Variants in ABCC8 observed in about 807,000 individuals in gnomAD.
ABCC8 encodes ATP binding cassette subfamily C member 8.
In ABCC8, 137 loss-of-function variants were observed where a neutral mutation model predicts 188.0. That is an observed-to-expected ratio of 0.73 (90% confidence interval 0.63 to 0.84). The LOEUF is 0.84. Among genes scored for constraint, ABCC8 ranks in the 40% least tolerant of loss-of-function variants. ABCC8 has a pLI of 0.00. For synonymous variants in ABCC8, 797 were observed against 846.5 expected, an observed-to-expected ratio of 0.94 and a Z score of 1.01; for missense variants, 1,750 against 2,072.7, an observed-to-expected ratio of 0.84 and a Z score of 3.02.
At position 17,461,784 on chromosome 11, in the gene ABCC8, G is replaced by T. The variant is rs765043940; in HGVS notation, c.621C>A (p.Pro207=). 6.2e-6 allele frequency: 10 copies of T among 1,614,010 alleles called. No individual in the cohort carries two copies. Among genetic ancestry groups the T allele is most frequent in the Admixed American group, 3.3e-5 (2 of 60,012 alleles). Residue 207 remains proline (P), a synonymous_variant, in exon 5 of 39, where the codon CCC becomes CCA. Transcript: ENST00000389817. ...GTACCCCCAGGTCTTGCAGGTCCTC[G>T]GGAGGCTTCACCTCCCTCGGTGTCT... is the stretch of plus-strand genomic sequence containing the variant. ...FFKTPREVKP[P]EDLQDLGVRF... is the part of the protein sequence containing the mutation.
Position 17,453,160 on chromosome 11 carries a change from C to T in ABCC8, c.1135G>A (p.Val379Met). Residue 379 changes from valine (V) to methionine (M), a missense_variant, in exon 7 of 39, where the codon GTG becomes ATG. Coordinates refer to ENST00000389817, the MANE Select transcript of ABCC8 (RefSeq NM_000352.6). Reference protein sequence around the residue: ...QRTFLQASYYVAIETGINLRG... With the variant: ...QRTFLQASYYMAIETGINLRG... ...AAGTTAATTCCAGTTTCAATGGCCA[C>T]ATAGTAGGATGCTTGCAGAAATGTC... The T allele has an allele frequency of 6.2e-7, 1 of 1,614,114 alleles. No individual in the cohort carries two copies. Among genetic ancestry groups the T allele is most frequent in the Non-Finnish European group, 8.5e-7 (1 of 1,180,030 alleles).
At chr11:17,395,499 GA>G (rs778319590) in intron 35 of ABCC8, 110 bp downstream of exon 35, 1 of 1,485,486 alleles carries the variant, frequency 6.7e-7, no homozygotes. Context: ...GCATGAGCAG[GA>G]AACACCTCTG....
At chr11:17,463,648 T>C in intron 3 of ABCC8, 44 bp from the exon 4 acceptor site, 1 of 1,553,784 alleles carries the variant, frequency 6.4e-7, no homozygotes, top group Non-Finnish European at 8.7e-7. Flanking sequence ...GTGTGCATCA[T>C]GTGTGTACAC....
chr11:17,405,725 C>T (rs917736582), intron 26 of ABCC8, 162 bp from the exon 27 acceptor site: 1 of 888,036 alleles, frequency 1.1e-6, no homozygotes, highest in Non-Finnish European at 1.3e-6. Context: ...CCCGTGAATT[C>T]CTGCAGCTGC....
chr11:17,409,102 G>C (rs1432593949), intron 22 of ABCC8, among the ~76,000 whole-genome samples: 4 of 149,454 alleles, frequency 2.7e-5, no homozygotes, highest in Admixed American at 6.7e-5. Context: ...ACAGGTGCAC[G>C]CCACCATACC....
At chr11:17,448,386 G>T in intron 8 of ABCC8, 130 bp downstream of exon 8, 1 of 824,960 alleles carries the variant, frequency 1.2e-6, no homozygotes, top group Non-Finnish European at 2.1e-6. Flanking sequence ...CTGTGGTATA[G>T]CCAAGTGTGT....
At chr11:17,428,268 G>T in intron 14 of ABCC8, 21 bp downstream of exon 14, 2 of 1,613,950 alleles carry the variant, frequency 1.2e-6, no homozygotes, top group Non-Finnish European at 1.7e-6. Flanking sequence ...GGGTGGCCAG[G>T]CATGGGGCAG....
At chr11:17,431,798 T>C (rs1955860035) in intron 11 of ABCC8, among the ~76,000 whole-genome samples, 1 of 152,202 alleles carries the variant, frequency 6.6e-6, no homozygotes, top group East Asian at 1.9e-4. Flanking sequence ...TGACATATCA[T>C]AGGCCTTAAA....
Position 17,476,796 on chromosome 11 carries a change from G to GGGCTC in ABCC8, c.-25_-21dup. The GGGCTC allele has an allele frequency of 1.3e-6, 2 of 1,531,166 alleles. No individual in the cohort carries two copies. Among genetic ancestry groups the GGGCTC allele is most frequent in the Non-Finnish European group, 1.8e-6 (2 of 1,139,154 alleles). The allele number at this position is 1,531,166 out of a possible 1,614,324, so 94.8% of individuals were successfully genotyped here. A position where few individuals can be genotyped will look rare whatever the true frequency, so the allele number is the denominator to read the frequency against. On this transcript the variant is annotated 5_prime_UTR_variant, in exon 1 of 39. Transcript: ENST00000389817. ...GGGCATGGCGGCGCGGGCGCGGGCTGGGCTCGGGCTCAGCTGGCTCCGCTG... is the reference window on the plus strand; with the variant it reads ...GGGCATGGCGGCGCGGGCGCGGGCTGGGCTCGGCTCGGGCTCAGCTGGCTCCGCTG...
chr11:17,395,054 T>C, intron 36 of ABCC8, 118 bp downstream of exon 36: 1 of 1,324,566 alleles, frequency 7.5e-7, no homozygotes, highest in Non-Finnish European at 1.1e-6. Context: ...GACTAAATGG[T>C]CCTGCCAGGC....
chr11:17,463,459 C>T lies in ABCC8; in HGVS notation c.558G>A (p.Glu186=), dbSNP rs1403474807. ...VILYGMLLLV[E]VNVIRVRRYI... is the part of the protein sequence containing the mutation. ...TTACCCTCACCCTGATGACATTGAC[C>T]TCCACGAGGAGCAGCATCCCATAGA... The change falls in exon 4 of 39, where the codon GAG becomes GAA. Residue 186 remains glutamate (E), a synonymous_variant. Transcript: ENST00000389817. 1 of 1,605,852 alleles carries T rather than the reference C, an allele frequency of 6.2e-7. No individual in the cohort carries two copies. Among genetic ancestry groups the T allele is most frequent in the South Asian group, 1.1e-5 (1 of 88,930 alleles).
At chr11:17,450,411 T>TTTTC (rs1956762091) in intron 7 of ABCC8, among the ~76,000 whole-genome samples, 1 of 146,826 alleles carries the variant, frequency 6.8e-6, no homozygotes, top group East Asian at 2.0e-4. Context: ...TCCTTTTTTT[T>TTTTC]TTTTTCAGAG....
At chr11:17,463,317 G>A in intron 4 of ABCC8, 121 bp downstream of exon 4, 2 of 877,308 alleles carry the variant, frequency 2.3e-6, no homozygotes, top group East Asian at 2.7e-5. Context: ...ACACGGGCGG[G>A]TAAAACAAGC....
At chr11:17,456,337 A>T (rs895936776) in intron 6 of ABCC8, among the ~76,000 whole-genome samples, 2 of 150,972 alleles carry the variant, frequency 1.3e-5, no homozygotes, top group African/African-American at 5.0e-5. Flanking sequence ...AGGCTTGCAG[A>T]ATGTGACTGC....
In ABCC8 at chr11:17,397,209, G is replaced by T. The variant is rs1953980986; in HGVS notation, c.3972C>A (p.Ser1324Arg). ...GCCTCTCACCCAGGAGCCCCTCGTAGCTCTCTGCCTCGGTTTTCAGGAGCC... is the reference window on the plus strand; with the variant it reads ...GCCTCTCACCCAGGAGCCCCTCGTATCTCTCTGCCTCGGTTTTCAGGAGCC... ...IHGLLKTEAE[S>R]YEGLLAPSLI... The change falls in exon 32 of 39, where the codon AGC becomes AGA. Residue 1324 changes from serine (S) to arginine (R), a missense_variant. Ser to Arg is a moderately radical substitution (Grantham distance 110). Coordinates refer to ENST00000389817, the MANE Select transcript of ABCC8 (RefSeq NM_000352.6). 1 of 1,613,574 alleles carries T rather than the reference G, an allele frequency of 6.2e-7. No individual in the cohort carries two copies. The highest frequency in any genetic ancestry group is 1.7e-5 in the Admixed American group (1 of 60,004).
chr11:17,456,460 C>T (rs1259133739), intron 6 of ABCC8, among the ~76,000 whole-genome samples: 1 of 152,154 alleles, frequency 6.6e-6, no homozygotes, highest in African/African-American at 2.4e-5. Context: ...TGGAAAGGTC[C>T]CCTTCACATG....
chr11:17,438,921 T>C (rs1164054463), intron 10 of ABCC8, among the ~76,000 whole-genome samples: 3 of 152,236 alleles, frequency 2.0e-5, no homozygotes, highest in Non-Finnish European at 4.4e-5. Context: ...CAAGTTGTTA[T>C]GAGGATGAAG....
intron 2 of ABCC8, among the ~76,000 whole-genome samples, chr11:17,473,447 C>T (rs567328766): frequency 2.6e-5 from 4 of 152,174 alleles, no homozygotes; most frequent in Non-Finnish European, 4.4e-5. Flanking sequence ...AGGTGGGGAA[C>T]GGGAGGGAGG....
At chr11:17,436,613 G>A (rs1956107601) in intron 10 of ABCC8, among the ~76,000 whole-genome samples, 1 of 152,246 alleles carries the variant, frequency 6.6e-6, no homozygotes, top group Non-Finnish European at 1.5e-5. Context: ...GAAGAACTAT[G>A]TTAAATAATG....
Sources: gnomAD v4.1 joint callset for allele counts (sites outside exome capture counted in the v4.1 genomes callset) on GRCh38, gnomAD v4.1.1 for gene constraint, MANE v1.5 for transcripts, NCBI Gene and HGNC (gene_info 2026-07-23, HGNC 2026-07-21) for gene names.